ENOX2: variants seen among roughly 807,000 people sequenced by gnomAD.
ENOX2 encodes APK1 antigen.
Under a neutral mutation model 45.0 loss-of-function variants are expected in ENOX2, and 36 were observed. That is an observed-to-expected ratio of 0.80 (90% CI 0.61 to 1.06). The LOEUF is 1.06. Ranked by LOEUF, ENOX2 falls within the 50% of genes least tolerant of loss-of-function variation. The pLI is 0.00. For synonymous variants in ENOX2, 174 were observed against 152.3 expected, an observed-to-expected ratio of 1.14 and a Z score of -1.05; for missense variants, 423 against 462.5, an observed-to-expected ratio of 0.91 and a Z score of 0.78.
chrX:130,901,166 T>C (rs769252402), intron 2 of ENOX2, among the ~76,000 whole-genome samples: 10 of 112,278 alleles, frequency 8.9e-5, no homozygotes, highest in Non-Finnish European at 1.5e-4. Flanking sequence ...AAGTGAATCA[T>C]TTGGGTTTTG....
chrX:130,659,065 G>C (rs2036618051), intron 9 of ENOX2, among the ~76,000 whole-genome samples: 2 of 112,137 alleles, frequency 1.8e-5, no homozygotes, highest in Admixed American at 9.4e-5. Context: ...GCCTGTCAGA[G>C]GCTTGTCAGC....
chrX:130,745,714 A>C (rs750578916), intron 3 of ENOX2, among the ~76,000 whole-genome samples: 44 of 112,316 alleles, frequency 3.9e-4, no homozygotes, highest in Middle Eastern at 4.6e-3. Flanking sequence ...CAGAGAAAGA[A>C]GACCAACTTC....
intron 2 of ENOX2, among the ~76,000 whole-genome samples, chrX:130,897,528 T>C (rs1351896448): frequency 1.8e-5 from 2 of 112,539 alleles, no homozygotes; most frequent in African/African-American, 6.5e-5. Context: ...ATCTGTAAAA[T>C]AGGAATAACT....
In ENOX2 at chrX:130,676,399, G is replaced by C. The variant is rs143947123; in HGVS notation, c.460+3143C>G. Among the ~76,000 whole-genome samples, 910 of 111,471 alleles carry C rather than the reference G, an allele frequency of 8.2e-3. 19 individuals are homozygous for C. Among genetic ancestry groups the C allele is most frequent in the Admixed American group, 0.078 (815 of 10,506 alleles). ...CATTCAGGAGATTGCTAGCACTTGG[G>C]CACTTTCAGGGGGACAGATTCAAAT... On this transcript the variant is annotated intron_variant, in intron 6 of 14. Transcript: ENST00000394363.
chrX:130,816,639 C>T (rs897813196), intron 2 of ENOX2, among the ~76,000 whole-genome samples: 1 of 111,945 alleles, frequency 8.9e-6, no homozygotes, highest in Admixed American at 9.5e-5. Flanking sequence ...TACATGGAAA[C>T]TGAACAACCT....
At chrX:130,796,373 A>T (rs1400027731) in intron 2 of ENOX2, among the ~76,000 whole-genome samples, 1 of 111,641 alleles carries the variant, frequency 9.0e-6, no homozygotes, top group African/African-American at 3.3e-5. Context: ...CAATAGAAGC[A>T]TATCCATAAA....
intron 2 of ENOX2, among the ~76,000 whole-genome samples, chrX:130,839,774 T>C (rs968624055): frequency 1.3e-4 from 14 of 111,796 alleles, no homozygotes; most frequent in African/African-American, 4.2e-4. Context: ...GCTCAAGACC[T>C]AGTAATATGT....
At chrX:130,632,747 T>C (rs2035809717) in intron 12 of ENOX2, among the ~76,000 whole-genome samples, 1 of 111,924 alleles carries the variant, frequency 8.9e-6, no homozygotes, top group Admixed American at 9.5e-5. Flanking sequence ...CAAGACATGT[T>C]GTTGTGTGAA....
chrX:130,811,679 C>A (rs759859885), intron 2 of ENOX2, among the ~76,000 whole-genome samples: 1 of 111,991 alleles, frequency 8.9e-6, no homozygotes, highest in African/African-American at 3.2e-5. Context: ...ACAATCCCAC[C>A]AAAAGAACAA....
intron 2 of ENOX2, among the ~76,000 whole-genome samples, chrX:130,840,545 A>ATAAC (rs2077998589): frequency 9.2e-6 from 1 of 108,935 alleles, no homozygotes; most frequent in South Asian, 3.8e-4. Flanking sequence ...AAATAAATAA[A>ATAAC]TAAATAAATA....
intron 2 of ENOX2, among the ~76,000 whole-genome samples, chrX:130,852,693 A>G (rs1408789499): frequency 5.4e-5 from 6 of 111,305 alleles, no homozygotes; most frequent in Non-Finnish European, 7.5e-5. Context: ...GAGACATTTG[A>G]AAAATACCAT....
intron 3 of ENOX2, among the ~76,000 whole-genome samples, chrX:130,706,347 G>A (rs1236194048): frequency 1.8e-5 from 2 of 111,995 alleles, no homozygotes; most frequent in African/African-American, 6.5e-5. Flanking sequence ...TTGGGTATAC[G>A]TGTTTCTGGT....
intron 2 of ENOX2, among the ~76,000 whole-genome samples, chrX:130,824,348 G>A (rs2077676328): frequency 9.0e-6 from 1 of 111,406 alleles, no homozygotes; most frequent in Admixed American, 9.5e-5. Flanking sequence ...TTTTCTTCAA[G>A]GGTCTACTGA....
intron 3 of ENOX2, among the ~76,000 whole-genome samples, chrX:130,781,831 C>T (rs2039973691): frequency 9.0e-6 from 1 of 110,784 alleles, no homozygotes; most frequent in Admixed American, 9.7e-5. Flanking sequence ...AGGAGAAAAA[C>T]GGCTGCTACA....
intron 10 of ENOX2, among the ~76,000 whole-genome samples, chrX:130,652,816 A>T (rs1569480780): frequency 1.8e-5 from 2 of 112,386 alleles, no homozygotes; most frequent in African/African-American, 6.5e-5. Flanking sequence ...GATTGGGATG[A>T]TGCATCTACC....
intron 2 of ENOX2, among the ~76,000 whole-genome samples, chrX:130,858,568 G>T (rs2078353787): frequency 9.0e-6 from 1 of 111,556 alleles, no homozygotes; most frequent in East Asian, 2.8e-4. Flanking sequence ...AAAGATACAA[G>T]CAAACATGAG....
intron 2 of ENOX2, among the ~76,000 whole-genome samples, chrX:130,873,853 A>G (rs1188100359): frequency 4.7e-5 from 5 of 107,262 alleles, no homozygotes; most frequent in Non-Finnish European, 7.7e-5. Context: ...ATGAGAACAC[A>G]TGGACACAGG....
chrX:130,625,142 G>A lies in ENOX2; in HGVS notation c.*172C>T, dbSNP rs906907485. The A allele has an allele frequency of 6.2e-6, 3 of 486,450 alleles. No individual in the cohort carries two copies. The highest frequency in any genetic ancestry group is 6.1e-4 in the Middle Eastern group (1 of 1,632). The allele number at this position is 486,450 out of a possible 1,213,427, so 40.1% of individuals were successfully genotyped here. On this transcript the variant is annotated 3_prime_UTR_variant, in exon 15 of 15. Coordinates refer to ENST00000394363, the MANE Select transcript of ENOX2 (RefSeq NM_006375.4). The stretch of plus-strand genomic sequence containing the variant: ...TTGAGGCAATTTCTCTTTAGGGCCT[G>A]TAGTTCGAGGTGCTGTCCTAGGATC...
intron 5 of ENOX2, among the ~76,000 whole-genome samples, chrX:130,680,594 T>C (rs747839254): frequency 8.9e-6 from 1 of 112,498 alleles, no homozygotes; most frequent in Non-Finnish European, 1.9e-5. Context: ...GCTATTTATA[T>C]GTATCAAAGC....
Sources: allele counts gnomAD v4.1 joint callset (sites outside exome capture counted in the v4.1 genomes callset), GRCh38; gene constraint gnomAD v4.1.1; transcripts MANE v1.5; gene names NCBI Gene and HGNC (gene_info 2026-07-23, HGNC 2026-07-21).